The following MOCOS variants were observed in gnomAD, a reference collection of about 807,000 sequenced individuals.
MOCOS encodes the protein molybdenum cofactor sulfurase.
Under a neutral mutation model 83.6 loss-of-function variants are expected in MOCOS, and 86 were observed. The observed-to-expected ratio is 1.03, with a 90% CI of 0.86 to 1.23. The LOEUF (loss-of-function observed/expected upper bound fraction) is 1.23. Among genes scored for constraint, MOCOS ranks in the 50% most tolerant of loss-of-function variants. MOCOS has a pLI of 0.00. For missense variants in MOCOS, 1,120 were observed against 1,126.9 expected, an observed-to-expected ratio of 0.99 and a Z score of 0.09; for synonymous variants, 445 against 434.7, an observed-to-expected ratio of 1.02 and a Z score of -0.29.
chr18:36,195,488 A>G, intron 2 of MOCOS, 142 bp downstream of exon 2: 1 of 760,786 alleles, frequency 1.3e-6, no homozygotes, highest in Non-Finnish European at 2.2e-6. Context: ...GGGCCAGGCA[A>G]GCACCCTGGG....
chr18:36,232,512 C>CT (rs1388732485), intron 9 of MOCOS, among the ~76,000 whole-genome samples: 1 of 152,054 alleles, frequency 6.6e-6, no homozygotes, highest in African/African-American at 2.4e-5. Flanking sequence ...ATCCTCTTTT[C>CT]TAGCTATTTT....
intron 9 of MOCOS, among the ~76,000 whole-genome samples, chr18:36,221,725 A>AT (rs1448141392): frequency 1.0e-5 from 1 of 100,350 alleles, no homozygotes; most frequent in Admixed American, 1.2e-4. Flanking sequence ...TTGATATCCC[A>AT]TTGTTTTTTT....
At chr18:36,219,951 G>A (rs907106196) in intron 8 of MOCOS, 104 bp from the exon 9 acceptor site, 10 of 1,400,764 alleles carry the variant, frequency 7.1e-6, no homozygotes, top group Non-Finnish European at 2.0e-6. Flanking sequence ...CAGTGTAGGT[G>A]CTGAATTCAT....
chr18:36,224,187 G>A (rs1308494931), intron 9 of MOCOS, among the ~76,000 whole-genome samples: 1 of 152,114 alleles, frequency 6.6e-6, no homozygotes, highest in Non-Finnish European at 1.5e-5. Context: ...TTTTTAAAAT[G>A]GAGTATTTAG....
intron 6 of MOCOS, among the ~76,000 whole-genome samples, chr18:36,211,417 A>T (rs609589): frequency 7.9e-5 from 12 of 152,038 alleles, no homozygotes; most frequent in Non-Finnish European, 2.9e-5. Flanking sequence ...ATGGGGATAA[A>T]AATATACCCT....
chr18:36,241,419 C>T (rs2091582324), intron 9 of MOCOS, among the ~76,000 whole-genome samples: 1 of 152,218 alleles, frequency 6.6e-6, no homozygotes, highest in South Asian at 2.1e-4. Context: ...CTTAAAGGTT[C>T]AAAATGATCT....
rs1253284861 is a variant in MOCOS at position 36,271,907 on chromosome 18, A to G, written c.*3222A>G. ...CGCTTATCCTTCTCTTTCAGTGAAAAGTTGCTTTTTTATTCAATATGTACT... is the reference window on the plus strand; with the variant it reads ...CGCTTATCCTTCTCTTTCAGTGAAAGGTTGCTTTTTTATTCAATATGTACT... On this transcript the variant is annotated 3_prime_UTR_variant, in exon 15 of 15. Transcript: ENST00000261326. 6.6e-6 allele frequency: 1 copy of G among 152,146 alleles called. No individual in the cohort carries two copies. Among genetic ancestry groups the G allele is most frequent in the Non-Finnish European group, 1.5e-5 (1 of 68,036 alleles). 9.4% of individuals were successfully genotyped at this position (152,146 alleles called of 1,614,324 possible).
chr18:36,217,847 A>C (rs1440183403), intron 8 of MOCOS, among the ~76,000 whole-genome samples: 1 of 152,222 alleles, frequency 6.6e-6, no homozygotes, highest in African/African-American at 2.4e-5. Context: ...AAACCCCCAG[A>C]TGGCTTAGGG....
At chr18:36,257,979 A>G (rs1214779768) in intron 12 of MOCOS, among the ~76,000 whole-genome samples, 1 of 152,200 alleles carries the variant, frequency 6.6e-6, no homozygotes, top group Non-Finnish European at 1.5e-5. Flanking sequence ...AATATACAAC[A>G]TCATTCTCAT....
intron 4 of MOCOS, among the ~76,000 whole-genome samples, chr18:36,202,147 C>G (rs1397295572): frequency 1.3e-5 from 2 of 152,160 alleles, no homozygotes; most frequent in South Asian, 4.1e-4. Flanking sequence ...GACTAGAACT[C>G]AATAGATTTA....
At chr18:36,253,481 C>T (rs1239719391) in intron 11 of MOCOS, among the ~76,000 whole-genome samples, 4 of 152,042 alleles carry the variant, frequency 2.6e-5, no homozygotes, top group Non-Finnish European at 5.9e-5. Context: ...GCCTGGCCAA[C>T]ATGGTGAAAC....
At chr18:36,195,404 G>A in intron 2 of MOCOS, 58 bp downstream of exon 2, 1 of 1,421,564 alleles carries the variant, frequency 7.0e-7, no homozygotes, top group Non-Finnish European at 9.9e-7. Flanking sequence ...ATATACCTGT[G>A]CATGTTAAAC....
chr18:36,200,018 C>A lies in MOCOS; in HGVS notation c.635C>A (p.Pro212His). 6.2e-7 allele frequency: 1 copy of A among 1,614,202 alleles called. No individual in the cohort carries two copies. Among genetic ancestry groups the A allele is most frequent in the East Asian group, 2.2e-5 (1 of 44,876 alleles). Residue 212 changes from proline (P) to histidine (H), a missense_variant, in exon 4 of 15, where the codon CCC becomes CAC. Transcript: ENST00000261326. ...AGTAACTTTTCTGGAGTCAGATACC[C>A]CCTGTCCTGGATAGAAGAGGTCAAG... is the stretch of plus-strand genomic sequence containing the variant. The part of the protein sequence containing the change: ...AQSNFSGVRY[P>H]LSWIEEVKSG...
intron 8 of MOCOS, among the ~76,000 whole-genome samples, 181 bp downstream of exon 8, chr18:36,216,158 G>C (rs1037323942): frequency 6.6e-6 from 1 of 152,112 alleles, no homozygotes; most frequent in South Asian, 2.1e-4. Flanking sequence ...TGCTCACGGG[G>C]ACTCCTGAGA....
chr18:36,201,299 G>A (rs187699055), intron 4 of MOCOS, among the ~76,000 whole-genome samples: 4 of 152,264 alleles, frequency 2.6e-5, no homozygotes, highest in Admixed American at 6.5e-5. Context: ...ATGAGTCCCC[G>A]CTCCACTGCA....
At chr18:36,207,339 T>C (rs2091438545) in intron 6 of MOCOS, among the ~76,000 whole-genome samples, 1 of 152,172 alleles carries the variant, frequency 6.6e-6, no homozygotes, top group African/African-American at 2.4e-5. Flanking sequence ...GCTTGGCCAA[T>C]GGTAGTTCTG....
At chr18:36,194,635 GGTGTACCTGTGTACCCTCCTACCAGCC>G (rs1230437073) in intron 1 of MOCOS, among the ~76,000 whole-genome samples, 1 of 152,172 alleles carries the variant, frequency 6.6e-6, no homozygotes, top group East Asian at 1.9e-4. Context: ...TGAGCATAAA[GGTGTACCTGTGTACCCTCCTACCAGCC>G]GTGTACCAGT....
intron 8 of MOCOS, among the ~76,000 whole-genome samples, chr18:36,219,733 T>G (rs1366311635): frequency 6.6e-6 from 1 of 152,156 alleles, no homozygotes. Flanking sequence ...GAGCAATGGC[T>G]GGAGCCAGCT....
chr18:36,229,580 A>G (rs116321966), intron 9 of MOCOS, among the ~76,000 whole-genome samples: 63 of 152,242 alleles, frequency 4.1e-4, no homozygotes, highest in African/African-American at 1.4e-3. Context: ...CTTTCTTTGA[A>G]TAAGCTTTCT....
Sources: allele counts gnomAD v4.1 joint callset (sites outside exome capture counted in the v4.1 genomes callset), GRCh38; gene constraint gnomAD v4.1.1; transcripts MANE v1.5; gene names NCBI Gene and HGNC (gene_info 2026-07-23, HGNC 2026-07-21).